The following NLGN4X variants were observed in gnomAD, a reference collection of about 807,000 sequenced individuals.
NLGN4X encodes the protein neuroligin 4 X-linked.
In NLGN4X, 3 loss-of-function variants were observed where a neutral mutation model predicts 40.3. The ratio of observed to expected loss-of-function variants is 0.07; its 90% CI spans 0.03 to 0.19. NLGN4X has a LOEUF of 0.19. NLGN4X is among the 10% of genes least tolerant of loss of function. The pLI, the probability that NLGN4X is intolerant of heterozygous loss-of-function variation, is 1.00. For missense variants in NLGN4X, 382 were observed against 708.3 expected, an observed-to-expected ratio of 0.54 and a Z score of 5.23; for synonymous variants, 270 against 306.8, an observed-to-expected ratio of 0.88 and a Z score of 1.25.
intron 3 of NLGN4X, among the ~76,000 whole-genome samples, chrX:5,999,359 C>T (rs1307150035): frequency 1.8e-5 from 2 of 112,151 alleles, no homozygotes; most frequent in African/African-American, 6.5e-5. Flanking sequence ...AAAAAGCTGT[C>T]AATCATCTTG....
chrX:5,921,393 G>GAGAGAC (rs2033044522), intron 3 of NLGN4X, among the ~76,000 whole-genome samples: 1 of 79,301 alleles, frequency 1.3e-5, no homozygotes, highest in Non-Finnish European at 2.3e-5. Context: ...AAATGAACCA[G>GAGAGAC]AGAGAGAGAG....
intron 3 of NLGN4X, among the ~76,000 whole-genome samples, chrX:6,027,685 T>C (rs1029786308): frequency 2.7e-5 from 3 of 110,322 alleles, no homozygotes; most frequent in Non-Finnish European, 5.7e-5. Context: ...TGAAATGAAG[T>C]CATCTGATTG....
At chrX:6,057,736 T>A (rs1050299557) in intron 2 of NLGN4X, among the ~76,000 whole-genome samples, 1 of 111,856 alleles carries the variant, frequency 8.9e-6, no homozygotes, top group African/African-American at 3.2e-5. Context: ...ATCTACTTAA[T>A]ATCTTCTGCC....
chrX:5,968,061 C>T (rs1569158906), intron 3 of NLGN4X, among the ~76,000 whole-genome samples: 1 of 111,603 alleles, frequency 9.0e-6, no homozygotes. Context: ...AGACTATGTG[C>T]TGACTCCTTG....
intron 2 of NLGN4X, among the ~76,000 whole-genome samples, chrX:6,139,429 T>C (rs1351690737): frequency 8.9e-6 from 1 of 111,948 alleles, no homozygotes; most frequent in African/African-American, 3.2e-5. Context: ...CATTGCACCC[T>C]CCTCCAGTTT....
At chrX:6,225,049 G>T (rs899930413) in intron 1 of NLGN4X, among the ~76,000 whole-genome samples, 1 of 93,633 alleles carries the variant, frequency 1.1e-5, no homozygotes, top group Non-Finnish European at 2.1e-5. Context: ...TGTAGAATGC[G>T]TGTGTGTATG....
At chrX:6,043,705 T>C (rs755855848) in intron 2 of NLGN4X, among the ~76,000 whole-genome samples, 11 of 112,164 alleles carry the variant, frequency 9.8e-5, no homozygotes, top group Non-Finnish European at 2.1e-4. Flanking sequence ...GTACCTGACA[T>C]GGTAAATGGT....
intron 2 of NLGN4X, among the ~76,000 whole-genome samples, chrX:6,134,123 C>G: frequency 9.0e-6 from 1 of 111,331 alleles, no homozygotes; most frequent in Non-Finnish European, 1.9e-5. Flanking sequence ...AGCTTCTCAG[C>G]TTTCATAAGA....
intron 3 of NLGN4X, among the ~76,000 whole-genome samples, chrX:6,003,084 C>T (rs978119352): frequency 9.0e-6 from 1 of 111,673 alleles, no homozygotes; most frequent in Non-Finnish European, 1.9e-5. Context: ...GTTGCGGGAT[C>T]AGGAGGACCA....
intron 1 of NLGN4X, among the ~76,000 whole-genome samples, chrX:6,218,660 C>T (rs766125253): frequency 8.9e-6 from 1 of 111,834 alleles, no homozygotes; most frequent in East Asian, 2.8e-4. Flanking sequence ...TGAATAAATT[C>T]GTGAAATAAA....
intron 3 of NLGN4X, among the ~76,000 whole-genome samples, chrX:5,939,488 T>C (rs1418059264): frequency 1.8e-5 from 2 of 111,297 alleles, no homozygotes; most frequent in Admixed American, 9.6e-5. Flanking sequence ...TTGAATTCCA[T>C]CAAATAAATT....
rs956147464 is a variant in NLGN4X, at chrX:5,895,111, G to A, written c.1602-1445C>T. 7.1e-5 allele frequency among the ~76,000 whole-genome samples: 8 copies of A among 112,530 alleles called. No homozygotes were observed. In the South Asian group the frequency reaches 2.5e-3, roughly 36 times the overall value. ...CAAACAATATACTTGAGCCAGAGGCGCCACACTTGCTGAAGGAAGATTTTA... is the reference window on the plus strand; with the variant it reads ...CAAACAATATACTTGAGCCAGAGGCACCACACTTGCTGAAGGAAGATTTTA... On this transcript the variant is annotated intron_variant, in intron 5 of 5. Coordinates refer to ENST00000381095, the MANE Select transcript of NLGN4X (RefSeq NM_181332.3).
chrX:6,001,369 A>G (rs901112397), intron 3 of NLGN4X, among the ~76,000 whole-genome samples: 2 of 112,275 alleles, frequency 1.8e-5, no homozygotes, highest in African/African-American at 6.5e-5. Context: ...GTGTAGAATC[A>G]GTGGAAATAT....
At chrX:6,225,511 T>G (rs1282057218) in intron 1 of NLGN4X, among the ~76,000 whole-genome samples, 1 of 108,485 alleles carries the variant, frequency 9.2e-6, no homozygotes, top group Non-Finnish European at 1.9e-5. Context: ...CTCATCAAAG[T>G]CAGGTGTTTG....
At chrX:6,022,683 T>C (rs5961924) in intron 3 of NLGN4X, among the ~76,000 whole-genome samples, 37,646 of 110,400 alleles carry the variant, frequency 0.34, 5,397 homozygotes, top group East Asian at 0.77. Flanking sequence ...CAGGCTTCTT[T>C]TGTTGAGTGG....
At chrX:6,207,881 A>C (rs1207395530) in intron 1 of NLGN4X, among the ~76,000 whole-genome samples, 2 of 112,122 alleles carry the variant, frequency 1.8e-5, no homozygotes, top group Admixed American at 9.5e-5. Context: ...CAAATGTTAT[A>C]CTGCATTCTT....
chrX:5,951,923 T>C (rs1265762662), intron 3 of NLGN4X, among the ~76,000 whole-genome samples: 1 of 112,202 alleles, frequency 8.9e-6, no homozygotes, highest in Non-Finnish European at 1.9e-5. Flanking sequence ...CTTGGAGATA[T>C]CCTCTGCATT....
chrX:5,893,964 AAAGGGAAAG>A (rs1236310242), intron 5 of NLGN4X, among the ~76,000 whole-genome samples: 7 of 112,589 alleles, frequency 6.2e-5, no homozygotes, highest in African/African-American at 2.3e-4. Flanking sequence ...CTTCAAAAAT[AAAGGGAAAG>A]AAGGAAAACT....
intron 2 of NLGN4X, among the ~76,000 whole-genome samples, chrX:6,082,948 G>GTTTTTTTTTATTTTTTT (rs930625574): frequency 1.4e-5 from 1 of 70,377 alleles, no homozygotes; most frequent in African/African-American, 4.8e-5. Context: ...GCCATGATGC[G>GTTTTTTTTTATTTTTTT]TTTTTTTCTT....
Sources: allele counts gnomAD v4.1 joint callset (sites outside exome capture counted in the v4.1 genomes callset), GRCh38; gene constraint gnomAD v4.1.1; transcripts MANE v1.5; gene names NCBI Gene and HGNC (gene_info 2026-07-23, HGNC 2026-07-21).